Variants in WLS observed in about 807,000 individuals in gnomAD.
The protein encoded by WLS is Wnt ligand secretion mediator.
In WLS, 23 loss-of-function variants were observed where a neutral mutation model predicts 62.8. That is an observed-to-expected ratio of 0.37 (90% CI 0.26 to 0.52). The LOEUF is 0.52. WLS is among the 20% of genes least tolerant of loss of function. The probability of loss-of-function intolerance (pLI) is 0.92; values close to 1 mark genes in which losing one functional copy is unlikely to be tolerated. For missense variants in WLS, 615 were observed against 697.3 expected, an observed-to-expected ratio of 0.88 and a Z score of 1.33; for synonymous variants, 246 against 244.1, an observed-to-expected ratio of 1.01 and a Z score of -0.07.
chr1:68,173,531 G>C (rs1329305946), intron 2 of WLS, among the ~76,000 whole-genome samples: 1 of 152,082 alleles, frequency 6.6e-6, no homozygotes, highest in Non-Finnish European at 1.5e-5. Flanking sequence ...ACAGTAACCA[G>C]GAAAGGAAAG....
At chr1:68,160,071 CTTTTTTT>C (rs58448910) in intron 2 of WLS, among the ~76,000 whole-genome samples, 64 of 93,574 alleles carry the variant, frequency 6.8e-4, no homozygotes, top group African/African-American at 2.3e-3. Flanking sequence ...GCAGAGAAGT[CTTTTTTT>C]TTTTTTTTTT....
At chr1:68,159,385 C>CT in intron 2 of WLS, 138 bp from the exon 3 acceptor site, 1 of 1,170,940 alleles carries the variant, frequency 8.5e-7, no homozygotes, top group Non-Finnish European at 1.2e-6. Flanking sequence ...AACTCCAAAC[C>CT]TGAAGACTTA....
At chr1:68,122,403 G>A (rs552437675), downstream of WLS, among the ~76,000 whole-genome samples, 27 of 152,304 alleles carry the variant, frequency 1.8e-4, no homozygotes, top group African/African-American at 5.5e-4. Flanking sequence ...CCCTTGGGCA[G>A]TCACACGTGG....
intron 1 of WLS, among the ~76,000 whole-genome samples, chr1:68,204,879 C>T (rs1649217446): frequency 6.6e-6 from 1 of 152,262 alleles, no homozygotes; most frequent in Non-Finnish European, 1.5e-5. Flanking sequence ...CTGAACCCTA[C>T]AAAATTATAA....
rs778070396 is a variant in WLS at position 68,155,134 on chromosome 1, C to A, written c.631G>T (p.Val211Leu). Residue 211 changes from valine to leucine, a missense_variant, in exon 4 of 12, where the codon GTG becomes TTG. Physicochemically the swap from Val to Leu is conservative, Grantham distance 32. Coordinates refer to ENST00000262348, the MANE Select transcript of WLS (RefSeq NM_024911.7). Reference protein sequence around the residue: ...LPVNEKKKINVGIGEIKDIRL... With the variant: ...LPVNEKKKINLGIGEIKDIRL... ...ATATCCTTTATCTCCCCAATTCCCA[C>A]ATTGATTTTCTTCTTCTCATTCACA... 6.2e-7 allele frequency: 1 copy of A among 1,613,990 alleles called. No individual in the cohort carries two copies. Among genetic ancestry groups the A allele is most frequent in the Non-Finnish European group, 8.5e-7 (1 of 1,179,932 alleles).
chr1:68,199,731 A>G (rs1557515930), intron 1 of WLS, among the ~76,000 whole-genome samples: 1 of 152,168 alleles, frequency 6.6e-6, no homozygotes. Context: ...AATAATAAAC[A>G]GAGCCACACA....
At chr1:68,108,120 TTC>T (rs1368077562) in intron 11 of WLS, among the ~76,000 whole-genome samples, 2 of 152,288 alleles carry the variant, frequency 1.3e-5, no homozygotes, top group African/African-American at 4.8e-5. Context: ...TTCCCATCCA[TTC>T]TCTCACTGTT....
intron 2 of WLS, chr1:68,162,053 C>T (rs796450417): frequency 2.5e-6 from 4 of 1,590,258 alleles, no homozygotes; most frequent in Non-Finnish European, 3.4e-6. Flanking sequence ...GGGATGTGAC[C>T]TGTGATGGCT....
At chr1:68,193,444 G>GAAAAAAAAAAAAA (rs111934768) in intron 2 of WLS, among the ~76,000 whole-genome samples, 5 of 35,646 alleles carry the variant, frequency 1.4e-4, no homozygotes, top group Admixed American at 2.8e-4. Flanking sequence ...AAAAAAAAAC[G>GAAAAAAAAAAAAA]AAAAAAAAAC....
intron 3 of WLS, among the ~76,000 whole-genome samples, chr1:68,157,406 G>C (rs1646914239): frequency 6.6e-6 from 1 of 152,206 alleles, no homozygotes; most frequent in Admixed American, 6.5e-5. Flanking sequence ...TCAGAGACAA[G>C]TTCGTTGTAT....
intron 11 of WLS, among the ~76,000 whole-genome samples, chr1:68,128,670 A>G (rs1038986487): frequency 1.3e-5 from 2 of 152,272 alleles, no homozygotes; most frequent in African/African-American, 4.8e-5. Flanking sequence ...TTGAAAAAAC[A>G]GCCAAAATTG....
intron 1 of WLS, chr1:68,202,347 G>C (rs970850863): frequency 6.6e-6 from 1 of 152,318 alleles, no homozygotes; most frequent in Middle Eastern, 3.4e-3. Context: ...CATTGGATGT[G>C]CTAATTGGTG....
chr1:68,128,294 T>TA (rs1646465692), intron 11 of WLS, among the ~76,000 whole-genome samples: 1 of 152,218 alleles, frequency 6.6e-6, no homozygotes, highest in South Asian at 2.1e-4. Flanking sequence ...CAATAACTTG[T>TA]ATTCTCACTG....
chr1:68,170,164 T>C (rs1486200508), intron 2 of WLS, among the ~76,000 whole-genome samples: 2 of 142,390 alleles, frequency 1.4e-5, no homozygotes, highest in African/African-American at 2.6e-5. Context: ...CTATTTCTTT[T>C]TTTTTTTTTT....
chr1:68,142,271 G>A (rs1160665053), intron 10 of WLS, among the ~76,000 whole-genome samples: 1 of 152,210 alleles, frequency 6.6e-6, no homozygotes, highest in Non-Finnish European at 1.5e-5. Flanking sequence ...CTGGCACAAG[G>A]ACCTGTGTGT....
At chr1:68,199,587 G>C (rs1164352017) in intron 1 of WLS, among the ~76,000 whole-genome samples, 2 of 152,078 alleles carry the variant, frequency 1.3e-5, no homozygotes, top group African/African-American at 4.8e-5. Flanking sequence ...TCATTTAACG[G>C]TGAAAACTGT....
chr1:68,125,237 A>G (rs932460965), downstream of WLS: 1 of 850,358 alleles, frequency 1.2e-6, no homozygotes, highest in Non-Finnish European at 1.4e-6. Flanking sequence ...TTCTCCAGGA[A>G]TAGGTATTAT....
chr1:68,104,901 A>G (rs1338720356), intron 11 of WLS, among the ~76,000 whole-genome samples: 3 of 152,182 alleles, frequency 2.0e-5, no homozygotes, highest in Non-Finnish European at 4.4e-5. Context: ...ACCTGGGCAA[A>G]AAAGCAAGAC....
At chr1:68,125,152 C>T (rs1465208612), downstream of WLS, among the ~76,000 whole-genome samples, 1 of 152,196 alleles carries the variant, frequency 6.6e-6, no homozygotes, top group Non-Finnish European at 1.5e-5. Flanking sequence ...GTTCTCCCCA[C>T]CTTTGTTGTC....
Sources: gnomAD v4.1 joint callset for allele counts (sites outside exome capture counted in the v4.1 genomes callset) on GRCh38, gnomAD v4.1.1 for gene constraint, MANE v1.5 for transcripts, NCBI Gene and HGNC (gene_info 2026-07-23, HGNC 2026-07-21) for gene names.